ZNF44: variants seen among roughly 807,000 people sequenced by gnomAD.
The protein encoded by ZNF44 is gonadotropin inducible transcription repressor-2.
ZNF44 carries 9 observed loss-of-function variants against 11.7 expected under a neutral mutation model. The ratio of observed to expected loss-of-function variants is 0.77; its 90% CI spans 0.46 to 1.35. The LOEUF is 1.35. ZNF44 is among the 40% of genes most tolerant of loss of function. The pLI, the probability that ZNF44 is intolerant of heterozygous loss-of-function variation, is 0.00. For missense variants in ZNF44, 696 were observed against 743.1 expected, an observed-to-expected ratio of 0.94 and a Z score of 0.74; for synonymous variants, 224 against 242.7, an observed-to-expected ratio of 0.92 and a Z score of 0.72.
chr19:12,244,144 G>C (rs893249954), downstream of ZNF44, among the ~76,000 whole-genome samples: 2 of 151,976 alleles, frequency 1.3e-5, no homozygotes, highest in African/African-American at 4.8e-5. Context: ...CTGAGTACTG[G>C]GACTACAATT....
At position 12,272,139 on chromosome 19, in the gene ZNF44, G is replaced by C. The variant is rs1966972548; in HGVS notation, c.*268C>G. The C allele has an allele frequency of 6.6e-6, 2 of 304,396 alleles. No homozygotes were observed. Among genetic ancestry groups the C allele is most frequent in the African/African-American group, 4.4e-5 (2 of 45,662 alleles). 18.9% of individuals were successfully genotyped at this position (304,396 alleles called of 1,614,324 possible). On this transcript the variant is annotated 3_prime_UTR_variant, in exon 4 of 4. Coordinates refer to ENST00000355684, the MANE Select transcript of ZNF44 (RefSeq NM_016264.4). ...AGCCTCCTGAGTAGCTAGGACTACA[G>C]GTGTGAGCAACTATGCCTGGCTATT...
intron 1 of ZNF44, chr19:12,291,193 T>A: frequency 2.3e-6 from 1 of 443,026 alleles, no homozygotes; most frequent in South Asian, 1.6e-5. Context: ...TGCATTAATC[T>A]GCCAAGTCCA....
chr19:12,239,297 A>G (rs992432030), upstream of ZNF44, among the ~76,000 whole-genome samples: 1 of 151,594 alleles, frequency 6.6e-6, no homozygotes, highest in African/African-American at 2.4e-5. Context: ...TATTTTTAGT[A>G]TAGACGGGGT....
chr19:12,294,718 GT>G lies in ZNF44; in HGVS notation c.-25del. Reference sequence around the variant, plus strand: ...ATTTCCCGGCTGTGCGGTGTCCCGGGTCCTCCCAACTCCCGTAGTCAGGGTA... The same window carrying G: ...ATTTCCCGGCTGTGCGGTGTCCCGGGCCTCCCAACTCCCGTAGTCAGGGTA... On this transcript the variant is annotated 5_prime_UTR_variant, in exon 1 of 4. Coordinates refer to ENST00000355684, the MANE Select transcript of ZNF44 (RefSeq NM_016264.4). 6.4e-7 allele frequency: 1 copy of G among 1,556,158 alleles called. No individual in the cohort carries two copies. Among genetic ancestry groups the G allele is most frequent in the Non-Finnish European group, 8.7e-7 (1 of 1,150,888 alleles).
chr19:12,228,005 T>TTAAAAAGCAG (rs1334539695), intron 3 of ZNF44, among the ~76,000 whole-genome samples: 1 of 152,220 alleles, frequency 6.6e-6, no homozygotes, highest in Non-Finnish European at 1.5e-5. Context: ...ATAATTTTTG[T>TTAAAAAGCAG]TAAAAAGCAG....
chr19:12,286,070 A>G (rs1205862576), intron 1 of ZNF44, among the ~76,000 whole-genome samples: 1 of 152,116 alleles, frequency 6.6e-6, no homozygotes, highest in East Asian at 1.9e-4. Context: ...ATGTGTGAGT[A>G]AACTGCATGA....
chr19:12,270,644 G>T (rs1027544324), downstream of ZNF44, among the ~76,000 whole-genome samples: 5 of 152,020 alleles, frequency 3.3e-5, no homozygotes, highest in Non-Finnish European at 5.9e-5. Context: ...TAGAGATGGG[G>T]TTTCACCATG....
chr19:12,255,405 A>G (rs935889919), intron 5 of ZNF44, among the ~76,000 whole-genome samples: 1 of 152,182 alleles, frequency 6.6e-6, no homozygotes, highest in African/African-American at 2.4e-5. Context: ...AACTGAGGAA[A>G]ACAAAGAGGA....
chr19:12,271,450 C>T (rs1034542718), downstream of ZNF44, among the ~76,000 whole-genome samples: 1 of 152,168 alleles, frequency 6.6e-6, no homozygotes, highest in East Asian at 1.9e-4. Flanking sequence ...GGTCTTCCAA[C>T]ATAGATGAAG....
At chr19:12,264,933 G>C (rs1917666248) in intron 5 of ZNF44, among the ~76,000 whole-genome samples, 1 of 151,992 alleles carries the variant, frequency 6.6e-6, no homozygotes, top group African/African-American at 2.4e-5. Context: ...CCTGAGCTCA[G>C]GAGATCCACC....
At chr19:12,268,427 C>G (rs1917822878), downstream of ZNF44, among the ~76,000 whole-genome samples, 1 of 152,150 alleles carries the variant, frequency 6.6e-6, no homozygotes, top group Non-Finnish European at 1.5e-5. Flanking sequence ...TCTCTCTATT[C>G]TGTTCTACTG....
intron 1 of ZNF44, among the ~76,000 whole-genome samples, chr19:12,288,501 T>C (rs1366004851): frequency 2.0e-5 from 3 of 151,908 alleles, no homozygotes; most frequent in African/African-American, 7.3e-5. Flanking sequence ...CCCAGCACTT[T>C]GGGAGGCTGA....
At chr19:12,256,051 A>C (rs930968291) in intron 5 of ZNF44, among the ~76,000 whole-genome samples, 169 of 150,416 alleles carry the variant, frequency 1.1e-3, no homozygotes, top group African/African-American at 2.1e-3. Context: ...AAAAAAAAAA[A>C]AAAAAAAAAA....
At position 12,294,551 on chromosome 19, in the gene ZNF44, G is replaced by A. The variant is rs1320566707; in HGVS notation, c.3+141C>T. 4.1e-6 allele frequency: 5 copies of A among 1,207,788 alleles called. No homozygotes were observed. In the African/African-American group the frequency reaches 4.8e-5, roughly 12 times the overall value. The allele number at this position is 1,207,788 out of a possible 1,614,324, so 74.8% of individuals were successfully genotyped here. On this transcript the variant is annotated intron_variant, in intron 1 of 3. Coordinates refer to ENST00000355684, the MANE Select transcript of ZNF44 (RefSeq NM_016264.4). ...GCCCCACCCTGCGGCCAAACGGACC[G>A]AGGACCGAGGTGCGCAGGGGGCGCT... is the stretch of plus-strand genomic sequence containing the variant.
rs375563625 is a variant in ZNF44, at chr19:12,273,966, G to T, written c.289C>A (p.Pro97Thr). ...CTTCCACATGCATCTACTCTGGCGG[G>T]AGTGTTCTTGTTTACAATACTATTT... is the stretch of plus-strand genomic sequence containing the variant. ...IRNSIVNKNT[P>T]ARVDACGSSV... Residue 97 changes from proline (P) to threonine (T), a missense_variant, in exon 4 of 4, where the codon CCC becomes ACC. By Grantham distance (38) the Pro-to-Thr change is conservative. Coordinates refer to ENST00000355684, the MANE Select transcript of ZNF44 (RefSeq NM_016264.4). 65 of 1,614,058 alleles carry T rather than the reference G, an allele frequency of 4.0e-5. 2 individuals are homozygous for T. The African/African-American group carries it at 6.0e-4, about 15-fold the overall frequency.
intron 1 of ZNF44, chr19:12,284,562 C>T (rs1299473607): frequency 1.4e-6 from 1 of 714,372 alleles, no homozygotes; most frequent in South Asian, 1.4e-5. Context: ...TCTCTTCTCC[C>T]TGCCCATCAA....
At chr19:12,243,359 C>T (rs533351819), downstream of ZNF44, among the ~76,000 whole-genome samples, 1 of 152,296 alleles carries the variant, frequency 6.6e-6, no homozygotes, top group South Asian at 2.1e-4. Flanking sequence ...ACCTTCTGGA[C>T]TCTAGTAACC....
chr19:12,240,904 T>C (rs879711086), upstream of ZNF44, among the ~76,000 whole-genome samples: 6 of 152,206 alleles, frequency 3.9e-5, no homozygotes, highest in Admixed American at 3.9e-4. Context: ...ATATGAAATC[T>C]AAAGCACAGG....
At chr19:12,259,261 A>G (rs569872984) in intron 5 of ZNF44, among the ~76,000 whole-genome samples, 48 of 152,348 alleles carry the variant, frequency 3.2e-4, no homozygotes, top group African/African-American at 1.1e-3. Flanking sequence ...AAGGAGAGGC[A>G]CAGGGATTTC....
Sources: allele counts gnomAD v4.1 joint callset (sites outside exome capture counted in the v4.1 genomes callset), GRCh38; gene constraint gnomAD v4.1.1; transcripts MANE v1.5; gene names NCBI Gene and HGNC (gene_info 2026-07-23, HGNC 2026-07-21).